Variants in SPEF2 observed in about 807,000 individuals in gnomAD.
SPEF2 encodes the protein sperm flagellar and cilia associated 2.
SPEF2 carries 187 observed loss-of-function variants against 224.6 expected under a neutral mutation model. That is an observed-to-expected ratio of 0.83 (90% CI 0.74 to 0.94). SPEF2 has a LOEUF of 0.94. Ranked by LOEUF, SPEF2 falls within the 40% of genes least tolerant of loss-of-function variation. The pLI is 0.00. For missense variants in SPEF2, 2,170 were observed against 2,135.6 expected (o/e 1.02, Z -0.32); for synonymous variants, 715 against 707.3 (o/e 1.01, Z -0.17).
intron 14 of SPEF2, among the ~76,000 whole-genome samples, chr5:35,697,382 T>C (rs1007547652): frequency 1.3e-5 from 2 of 152,182 alleles, no homozygotes; most frequent in Non-Finnish European, 1.5e-5. Context: ...CCTGTCTGCA[T>C]GGCATGAGTG....
chr5:35,674,684 C>T (rs958104559), intron 10 of SPEF2, among the ~76,000 whole-genome samples: 2 of 151,918 alleles, frequency 1.3e-5, no homozygotes, highest in East Asian at 3.9e-4. Context: ...GAAAACTAAT[C>T]TCATCATGGG....
At chr5:35,744,484 T>C (rs1748151636) in intron 23 of SPEF2, among the ~76,000 whole-genome samples, 1 of 152,208 alleles carries the variant, frequency 6.6e-6, no homozygotes, top group Non-Finnish European at 1.5e-5. Context: ...GCTTCTGCTG[T>C]TGCATTGTTC....
intron 21 of SPEF2, 26 bp downstream of exon 21, chr5:35,727,849 C>T: frequency 6.2e-7 from 1 of 1,601,246 alleles, no homozygotes; most frequent in Non-Finnish European, 8.5e-7. Flanking sequence ...ATCAAGCTGG[C>T]AGAATTCATT....
At chr5:35,790,102 T>A in intron 30 of SPEF2, 1 of 702,930 alleles carries the variant, frequency 1.4e-6, no homozygotes, top group South Asian at 1.5e-5. Flanking sequence ...ATCCTGACAC[T>A]AGTCGACCTA....
At chr5:35,787,901 G>A (rs894913261) in intron 30 of SPEF2, 55 of 606,834 alleles carry the variant, frequency 9.1e-5, no homozygotes, top group South Asian at 4.8e-4. Flanking sequence ...TAGAGTCACC[G>A]AAAAGCAGAA....
At chr5:35,740,624 G>A (rs1000117676) in intron 23 of SPEF2, among the ~76,000 whole-genome samples, 5 of 152,090 alleles carry the variant, frequency 3.3e-5, no homozygotes, top group African/African-American at 9.7e-5. Context: ...TTTGTTGATA[G>A]CAAGGAGAAG....
intron 9 of SPEF2, 74 bp downstream of exon 9, chr5:35,667,333 T>A: frequency 7.9e-7 from 1 of 1,273,708 alleles, no homozygotes; most frequent in Non-Finnish European, 1.1e-6. Flanking sequence ...AAATAGATAC[T>A]AGGATGATAA....
Position 35,739,956 on chromosome 5 carries a change from T to G in SPEF2, c.3101T>G (p.Ile1034Arg). 6.2e-7 allele frequency: 1 copy of G among 1,614,084 alleles called. No individual in the cohort carries two copies. The highest frequency in any genetic ancestry group is 8.5e-7 in the Non-Finnish European group (1 of 1,179,974). Residue 1034 changes from isoleucine to arginine, a missense_variant, in exon 22 of 37, where the codon ATA (isoleucine) becomes AGA (arginine). Physicochemically the swap from Ile to Arg is moderately conservative, Grantham distance 97. Transcript: ENST00000356031. The stretch of plus-strand genomic sequence containing the variant: ...TTTTTAGTACCTTACTGGGAACTAA[T>G]AGAAAATTCCTATATAAACACCATC... ...PLFLVPYWEL[I>R]ENSYINTIKT...
intron 26 of SPEF2, chr5:35,764,777 A>G (rs1751865940): frequency 2.2e-6 from 1 of 453,674 alleles, no homozygotes; most frequent in South Asian, 1.6e-5. Flanking sequence ...TGACCTTCTC[A>G]TACAAGCAGC....
intron 12 of SPEF2, among the ~76,000 whole-genome samples, chr5:35,693,662 A>G (rs548293461): frequency 1.5e-4 from 23 of 152,254 alleles, no homozygotes; most frequent in Non-Finnish European, 1.9e-4. Flanking sequence ...TAGCTTCTCT[A>G]TGATTAAGTT....
chr5:35,755,464 C>T (rs1289378980), intron 24 of SPEF2, among the ~76,000 whole-genome samples: 4 of 152,132 alleles, frequency 2.6e-5, no homozygotes, highest in African/African-American at 7.2e-5. Flanking sequence ...TTCCAACAAT[C>T]CCTAGATAGA....
At chr5:35,691,508 T>TCA (rs1754478770) in intron 11 of SPEF2, among the ~76,000 whole-genome samples, 1 of 152,120 alleles carries the variant, frequency 6.6e-6, no homozygotes, top group Admixed American at 6.5e-5. Flanking sequence ...ACACAAAAGG[T>TCA]CACATAGTGT....
At chr5:35,736,625 C>T (rs941427761) in intron 21 of SPEF2, among the ~76,000 whole-genome samples, 1 of 152,158 alleles carries the variant, frequency 6.6e-6, no homozygotes, top group African/African-American at 2.4e-5. Context: ...CTTCCCTTGA[C>T]ACATGGAGAT....
Position 35,779,273 on chromosome 5 carries a change from GGAA to G in SPEF2, c.4380_4382del (p.Glu1460del). The G allele has an allele frequency of 6.2e-7, 1 of 1,613,958 alleles. No individual in the cohort carries two copies. The highest frequency in any genetic ancestry group is 8.5e-7 in the Non-Finnish European group (1 of 1,179,902). On this transcript the variant is annotated inframe_deletion, in exon 30 of 37. Transcript: ENST00000356031. ...CAATACGTCCTCCACCTGTAGAAAA[GGAA>G]GAAGATGGTACCCTGACCATTGAAC...
intron 10 of SPEF2, 95 bp downstream of exon 10, chr5:35,670,322 A>G: frequency 1.4e-6 from 2 of 1,466,624 alleles, no homozygotes; most frequent in Middle Eastern, 2.0e-4. Context: ...TTCTACTAAT[A>G]AAAATAGACA....
chr5:35,629,034 A>G (rs1268389187), intron 2 of SPEF2, among the ~76,000 whole-genome samples: 2 of 151,362 alleles, frequency 1.3e-5, no homozygotes, highest in Non-Finnish European at 2.9e-5. Flanking sequence ...TTGCACATAC[A>G]TTTTTTATTG....
intron 10 of SPEF2, chr5:35,671,221 A>G (rs1751185124): frequency 1.0e-6 from 1 of 984,508 alleles, no homozygotes; most frequent in Admixed American, 6.2e-5. Flanking sequence ...GGTGAATAAA[A>G]TGAATGAATT....
In SPEF2 at chr5:35,750,957, G is replaced by T. The variant is rs540865447; in HGVS notation, c.3331-2667G>T. On this transcript the variant is annotated intron_variant, in intron 23 of 36. Transcript: ENST00000356031. ...GTGGAACCAACCCAAATACCCATCA[G>T]TCAGTGAGTGGATAAAGAAACTGTG... is the stretch of plus-strand genomic sequence containing the variant. Among the ~76,000 whole-genome samples, 55 of 130,600 alleles carry T rather than the reference G, an allele frequency of 4.2e-4. 2 individuals carry two copies. The South Asian group carries it at 0.014, about 32-fold the overall frequency. 85.7% of individuals were successfully genotyped at this position (130,600 alleles called of 152,430 possible).
intron 19 of SPEF2, among the ~76,000 whole-genome samples, chr5:35,711,425 A>G (rs1055546604): frequency 2.0e-5 from 3 of 151,790 alleles, no homozygotes; most frequent in Admixed American, 6.6e-5. Context: ...TATACTTGGG[A>G]TTAAATTTGA....
Sources: gnomAD v4.1 joint callset for allele counts (sites outside exome capture counted in the v4.1 genomes callset) on GRCh38, gnomAD v4.1.1 for gene constraint, MANE v1.5 for transcripts, NCBI Gene and HGNC (gene_info 2026-07-23, HGNC 2026-07-21) for gene names.